The following ZNG1A variants were observed in gnomAD, a reference collection of about 807,000 sequenced individuals.
ZNG1A encodes Zn regulated GTPase metalloprotein activator 1A.
the ZNG1A span, chr9:146,205 A>G: frequency 3.8e-6 from 6 of 1,586,196 alleles, no homozygotes; most frequent in Non-Finnish European, 4.3e-6. Flanking sequence ...TCTGTGAAAT[A>G]CATCCAGTTA....
chr9:141,849 C>A, the ZNG1A span, among the ~76,000 whole-genome samples: 1 of 152,174 alleles, frequency 6.6e-6, no homozygotes, highest in Non-Finnish European at 1.5e-5. Flanking sequence ...GGAGGAAAAT[C>A]TACCAAGCAA....
At chr9:138,880 A>C in the ZNG1A span, among the ~76,000 whole-genome samples, 1 of 149,912 alleles carries the variant, frequency 6.7e-6, no homozygotes, top group Admixed American at 6.6e-5. Context: ...CTCCAGCCTG[A>C]GTGACAGAGA....
At chr9:158,812 C>T in the ZNG1A span, among the ~76,000 whole-genome samples, 1 of 151,954 alleles carries the variant, frequency 6.6e-6, no homozygotes, top group Admixed American at 6.6e-5. Context: ...ATGTCCTCTT[C>T]TATGCCCATA....
At chr9:166,049 A>T in the ZNG1A span, 1 of 146,272 alleles carries the variant, frequency 6.8e-6, no homozygotes, top group Non-Finnish European at 1.5e-5. Flanking sequence ...AGGAAAAGTC[A>T]ACAAAAAAAT....
At chr9:176,414 G>C in the ZNG1A span, among the ~76,000 whole-genome samples, 1 of 141,072 alleles carries the variant, frequency 7.1e-6, no homozygotes, top group East Asian at 2.0e-4. Context: ...TTTTTTTGTT[G>C]GACATTTGGT....
chr9:145,679 C>T, the ZNG1A span, among the ~76,000 whole-genome samples: 2 of 149,586 alleles, frequency 1.3e-5, no homozygotes, highest in African/African-American at 2.5e-5. Context: ...GCACCTGTAC[C>T]CTAAAACTTA....
At chr9:139,157 G>C in the ZNG1A span, among the ~76,000 whole-genome samples, 1 of 149,170 alleles carries the variant, frequency 6.7e-6, no homozygotes, top group Non-Finnish European at 1.5e-5. Flanking sequence ...AGTAAATGTG[G>C]TATATGTAGA....
the ZNG1A span, among the ~76,000 whole-genome samples, chr9:139,058 C>G: frequency 1.3e-4 from 19 of 148,716 alleles, no homozygotes; most frequent in African/African-American, 4.9e-4. Flanking sequence ...TGGACATATA[C>G]GAGACTTACG....
the ZNG1A span, chr9:171,866 C>T: frequency 6.5e-6 from 4 of 615,080 alleles, no homozygotes; most frequent in African/African-American, 7.5e-5. Context: ...ACTTCAAATT[C>T]TATTAACAGC....
chr9:154,907 T>G, the ZNG1A span: 1 of 1,065,386 alleles, frequency 9.4e-7, no homozygotes, highest in South Asian at 1.5e-5. Flanking sequence ...AAACGCCTCA[T>G]GTAGATCAAT....
At chr9:178,876 C>G in the ZNG1A span, 1 of 1,152,674 alleles carries the variant, frequency 8.7e-7, no homozygotes, top group Middle Eastern at 3.0e-4. Context: ...TTTTCCTCCT[C>G]CTCGCTTTGC....
the ZNG1A span, among the ~76,000 whole-genome samples, chr9:136,824 G>A: frequency 6.6e-6 from 1 of 151,964 alleles, no homozygotes; most frequent in Non-Finnish European, 1.5e-5. Flanking sequence ...AATCACTTGA[G>A]GCCAGGAGTT....
chr9:121,562 C>A, the ZNG1A span: 2 of 1,608,018 alleles, frequency 1.2e-6, no homozygotes, highest in Non-Finnish European at 1.7e-6. Flanking sequence ...ATATCCTTAT[C>A]TAAATTTCTG....
At chr9:156,154 C>T in the ZNG1A span, among the ~76,000 whole-genome samples, 12 of 134,112 alleles carry the variant, frequency 8.9e-5, no homozygotes, top group African/African-American at 2.8e-4. Context: ...TATTATTATA[C>T]ATATATATAT....
chr9:174,958 T>C, the ZNG1A span, among the ~76,000 whole-genome samples: 1 of 151,842 alleles, frequency 6.6e-6, no homozygotes, highest in South Asian at 2.1e-4. Context: ...ATTTTTAAAA[T>C]ATTGAGTTTT....
At chr9:138,999 CCCA>C in the ZNG1A span, among the ~76,000 whole-genome samples, 1 of 149,256 alleles carries the variant, frequency 6.7e-6, no homozygotes, top group Non-Finnish European at 1.5e-5. Context: ...GCAAAATTGT[CCCA>C]CCAATTCAAA....
At chr9:140,455 G>A in the ZNG1A span, among the ~76,000 whole-genome samples, 2 of 151,006 alleles carry the variant, frequency 1.3e-5, no homozygotes, top group African/African-American at 4.9e-5. Context: ...TGAAGGTCGT[G>A]TCTGTTAGAA....
the ZNG1A span, among the ~76,000 whole-genome samples, chr9:139,532 T>TA: frequency 2.0e-5 from 3 of 148,582 alleles, no homozygotes; most frequent in Admixed American, 6.7e-5. Context: ...CTTACTACAA[T>TA]AAAAAAAAGA....
chr9:165,263 T>C, the ZNG1A span, among the ~76,000 whole-genome samples: 4,734 of 151,746 alleles, frequency 0.031, 215 homozygotes, highest in African/African-American at 0.11. Flanking sequence ...AAAGCATGAA[T>C]TTTTTCACTC....
Sources: allele counts gnomAD v4.1 joint callset (sites outside exome capture counted in the v4.1 genomes callset), GRCh38; gene constraint gnomAD v4.1.1; transcripts MANE v1.5; gene names NCBI Gene and HGNC (gene_info 2026-07-23, HGNC 2026-07-21).